YY1AP1: variants seen among roughly 807,000 people sequenced by gnomAD.
YY1AP1 encodes YY1-associated protein 1.
A neutral mutation model predicts 39.9 loss-of-function variants in YY1AP1; 43 were observed. The observed-to-expected ratio is 1.08, with a 90% CI of 0.84 to 1.39. YY1AP1 has a LOEUF of 1.39. YY1AP1 is among the 40% of genes most tolerant of loss of function. The probability of loss-of-function intolerance (pLI) is 0.00; values close to 1 mark genes in which losing one functional copy is unlikely to be tolerated. For synonymous variants in YY1AP1, 292 were observed against 331.3 expected (o/e 0.88, Z 1.29); for missense variants, 813 against 900.7 (o/e 0.90, Z 1.25).
chr1:155,674,239 T>C (rs897859147), intron 6 of YY1AP1, among the ~76,000 whole-genome samples: 1 of 145,670 alleles, frequency 6.9e-6, no homozygotes, highest in African/African-American at 2.5e-5. Flanking sequence ...CATAAAACAC[T>C]AATATTGAGC....
At chr1:155,680,352 A>G in intron 3 of YY1AP1, 64 bp downstream of exon 3, 10 of 1,584,428 alleles carry the variant, frequency 6.3e-6, no homozygotes, top group Non-Finnish European at 8.7e-6. Context: ...CAGAGATCAA[A>G]GGACACATTT....
chr1:155,665,338 G>A (rs891203770), intron 9 of YY1AP1, among the ~76,000 whole-genome samples: 6 of 151,884 alleles, frequency 4.0e-5, no homozygotes, highest in Admixed American at 1.3e-4. Context: ...TAATACTCAC[G>A]CCTGTAATCC....
At position 155,665,784 on chromosome 1, in the gene YY1AP1, C is replaced by CAA. The variant is rs58155011; in HGVS notation, c.879+2841_879+2842dup. 5.1e-3 allele frequency among the ~76,000 whole-genome samples: 176 copies of CAA among 34,406 alleles called. 1 individual carries two copies. Among genetic ancestry groups the CAA allele is most frequent in the Middle Eastern group, 0.034 (2 of 58 alleles). The allele number at this position is 34,406 out of a possible 152,430, so 22.6% of individuals were successfully genotyped here. A position where few individuals can be genotyped will look rare whatever the true frequency, so the allele number is the denominator to read the frequency against. On this transcript the variant is annotated intron_variant, in intron 9 of 10. Coordinates refer to ENST00000355499, the MANE Select transcript of YY1AP1 (RefSeq NM_139119.3). ...GGGGACAGAGCAAGACTCTGTGTCTCAAAAAAAAAAAAAAAAAAAAAAAAA... is the reference window on the plus strand; with the variant it reads ...GGGGACAGAGCAAGACTCTGTGTCTCAAAAAAAAAAAAAAAAAAAAAAAAAAA...
intron 4 of YY1AP1, among the ~76,000 whole-genome samples, chr1:155,677,230 A>C (rs926047044): frequency 7.2e-5 from 11 of 152,212 alleles, no homozygotes; most frequent in African/African-American, 2.4e-4. Flanking sequence ...AGGATATACC[A>C]AAATAACTGA....
chr1:155,665,277 A>T (rs1314945409), intron 9 of YY1AP1, among the ~76,000 whole-genome samples: 1 of 151,710 alleles, frequency 6.6e-6, no homozygotes, highest in Non-Finnish European at 1.5e-5. Flanking sequence ...TTCAGAAAAA[A>T]ATTTTTTTTA....
intron 2 of YY1AP1, among the ~76,000 whole-genome samples, chr1:155,684,226 C>T (rs868485551): frequency 1.3e-5 from 2 of 152,086 alleles, no homozygotes; most frequent in African/African-American, 2.4e-5. Context: ...CCAGCCTGGG[C>T]GAGGAGAGCG....
At chr1:155,682,377 AAAGCT>A (rs1486791834) in intron 2 of YY1AP1, among the ~76,000 whole-genome samples, 1 of 152,178 alleles carries the variant, frequency 6.6e-6, no homozygotes, top group Admixed American at 6.5e-5. Flanking sequence ...TCTGACACAC[AAAGCT>A]ATTTAGAAGA....
At chr1:155,672,241 A>C (rs925475646) in intron 7 of YY1AP1, 11 of 396,838 alleles carry the variant, frequency 2.8e-5, no homozygotes, top group Non-Finnish European at 9.5e-6. Context: ...ACCAGGCCCC[A>C]GTTTATCTTG....
chr1:155,668,303 T>C (rs943441440), intron 9 of YY1AP1, among the ~76,000 whole-genome samples: 1 of 152,108 alleles, frequency 6.6e-6, no homozygotes, highest in Non-Finnish European at 1.5e-5. Flanking sequence ...TGCAAGATTA[T>C]GTCTGACCAA....
chr1:155,681,932 AC>A, intron 2 of YY1AP1, among the ~76,000 whole-genome samples: 1 of 145,260 alleles, frequency 6.9e-6, no homozygotes, highest in Non-Finnish European at 1.5e-5. Flanking sequence ...CGATCCTCCC[AC>A]CTCATCCTCC....
At chr1:155,683,692 G>C (rs1430041605) in intron 2 of YY1AP1, among the ~76,000 whole-genome samples, 1 of 151,942 alleles carries the variant, frequency 6.6e-6, no homozygotes, top group African/African-American at 2.4e-5. Flanking sequence ...ACAACAACAA[G>C]TGAAATACTG....
Position 155,672,573 on chromosome 1 carries a change from A to G in YY1AP1, c.570T>C (p.Thr190=). ...TCTGTCTCCTACCAGTCTTCTTGAC[A>G]GTTTTATGAGGGCTGCAGTCAATGC... is the stretch of plus-strand genomic sequence containing the variant. ...HVSIDCSPHK[T]VKKTANEFPC... The change falls in exon 7 of 11, where the codon ACT becomes ACC. Residue 190 remains threonine, a synonymous_variant. Coordinates refer to ENST00000355499, the MANE Select transcript of YY1AP1 (RefSeq NM_139119.3). 6.2e-7 allele frequency: 1 copy of G among 1,611,964 alleles called. No homozygotes were observed. Among genetic ancestry groups the G allele is most frequent in the Non-Finnish European group, 8.5e-7 (1 of 1,178,432 alleles).
intron 5 of YY1AP1, 107 bp downstream of exon 5, chr1:155,676,441 G>T: frequency 7.5e-7 from 1 of 1,333,528 alleles, no homozygotes; most frequent in Non-Finnish European, 1.1e-6. Flanking sequence ...TACGTAGTAA[G>T]GTAACTATCT....
At position 155,676,588 on chromosome 1, in the gene YY1AP1, T is replaced by TC. The variant is rs1426404699; in HGVS notation, c.283dup (p.Asp95GlyfsTer38). 1.4e-5 allele frequency: 22 copies of TC among 1,614,206 alleles called. No homozygotes were observed. Among genetic ancestry groups the TC allele is most frequent in the Non-Finnish European group, 1.9e-5 (22 of 1,180,036 alleles). On this transcript the variant is annotated frameshift_variant, in exon 5 of 11. Coordinates refer to ENST00000355499, the MANE Select transcript of YY1AP1 (RefSeq NM_139119.3). LOFTEE classifies it high-confidence loss of function. ...CTGGAGTCTCTTCCTTTGTGCTGGG[T>TC]CCAGAATCAGGGTCTGATGAACTTC...
At chr1:155,674,263 A>G (rs1650307700) in intron 6 of YY1AP1, among the ~76,000 whole-genome samples, 3 of 152,066 alleles carry the variant, frequency 2.0e-5, no homozygotes, top group Non-Finnish European at 4.4e-5. Context: ...ATGAATGGAT[A>G]ATGAATTCAA....
intron 9 of YY1AP1, among the ~76,000 whole-genome samples, chr1:155,663,663 G>A (rs997402998): frequency 6.6e-6 from 1 of 152,038 alleles, no homozygotes; most frequent in Non-Finnish European, 1.5e-5. Context: ...AGGTTCCAGT[G>A]AGCCAAGATC....
chr1:155,688,666 G>A lies in YY1AP1; in HGVS notation c.-159C>T. The A allele has an allele frequency of 6.5e-7, 1 of 1,533,016 alleles. No individual in the cohort carries two copies. The highest frequency in any genetic ancestry group is 8.7e-7 in the Non-Finnish European group (1 of 1,146,112). 95.0% of individuals were successfully genotyped at this position (1,533,016 alleles called of 1,614,324 possible). ...GCAGGCCCTCACGCGTACCTTCAGC[G>A]GCGCGAGCCCAAGCCTTCTCCACCT... On this transcript the variant is annotated 5_prime_UTR_variant, in exon 1 of 11. Coordinates refer to ENST00000355499, the MANE Select transcript of YY1AP1 (RefSeq NM_139119.3).
chr1:155,678,636 T>G (rs1370641940), intron 4 of YY1AP1, among the ~76,000 whole-genome samples: 4 of 152,218 alleles, frequency 2.6e-5, no homozygotes, highest in Admixed American at 6.5e-5. Context: ...TTCTAGTTTT[T>G]AAGACATTGG....
chr1:155,680,291 A>G, intron 3 of YY1AP1, 125 bp downstream of exon 3: 1 of 1,047,560 alleles, frequency 9.5e-7, no homozygotes, highest in East Asian at 2.5e-5. Flanking sequence ...ATTCTTTCCC[A>G]GGTAGACTAA....
Sources: allele counts gnomAD v4.1 joint callset (sites outside exome capture counted in the v4.1 genomes callset), GRCh38; gene constraint gnomAD v4.1.1; transcripts MANE v1.5; gene names NCBI Gene and HGNC (gene_info 2026-07-23, HGNC 2026-07-21).